RRP12: variants seen among roughly 807,000 people sequenced by gnomAD.
RRP12 encodes the protein ribosomal RNA processing 12 homolog.
A neutral mutation model predicts 157.3 loss-of-function variants in RRP12; 78 were observed. The observed-to-expected ratio is 0.50, with a 90% CI of 0.41 to 0.60. RRP12 has a LOEUF of 0.60. Ranked by LOEUF, RRP12 falls within the 20% of genes least tolerant of loss-of-function variation. The pLI is 0.00. For missense variants in RRP12, 1,521 were observed against 1,679.9 expected (o/e 0.91, Z 1.65); for synonymous variants, 726 against 670.9 (o/e 1.08, Z -1.27).
chr10:97,391,108 T>G (rs1297132660), intron 4 of RRP12, among the ~76,000 whole-genome samples: 1 of 152,086 alleles, frequency 6.6e-6, no homozygotes, highest in East Asian at 1.9e-4. Flanking sequence ...GCAGTTCACA[T>G]CTCCAGAAAG....
At chr10:97,375,824 C>A (rs1844289673) in intron 15 of RRP12, among the ~76,000 whole-genome samples, 1 of 152,118 alleles carries the variant, frequency 6.6e-6, no homozygotes. Flanking sequence ...AAAAATGCAG[C>A]CAGACATGGT....
chr10:97,365,852 G>A (rs547089751), intron 29 of RRP12: 17 of 458,800 alleles, frequency 3.7e-5, no homozygotes, highest in South Asian at 3.3e-4. Flanking sequence ...GACTAACAGC[G>A]TATCACACAC....
In RRP12 at chr10:97,379,334, G is replaced by A. The variant is rs757545276; in HGVS notation, c.1757C>T (p.Thr586Ile). 42 of 1,614,052 alleles carry A rather than the reference G, an allele frequency of 2.6e-5. No individual in the cohort carries two copies. In the South Asian group the frequency reaches 4.5e-4, roughly 17 times the overall value. ...HVQETRLGFF[T>I]TYFLPLANTL... ...GTTAGCCAGGGGCAAGAAGTAGGTGGTGAAAAAACCAAGTCGCGTTTCCTG... is the reference window on the plus strand; with the variant it reads ...GTTAGCCAGGGGCAAGAAGTAGGTGATGAAAAAACCAAGTCGCGTTTCCTG... The change falls in exon 15 of 34, where the codon ACC (threonine) becomes ATC (isoleucine). Residue 586 changes from threonine (T) to isoleucine (I), a missense_variant. By Grantham distance (89) the Thr-to-Ile change is moderately conservative. Coordinates refer to ENST00000370992, the MANE Select transcript of RRP12 (RefSeq NM_015179.4).
rs1564752190 is a variant in RRP12 at position 97,370,094 on chromosome 10, C to T, written c.2797+73G>A. On this transcript the variant is annotated intron_variant, in intron 24 of 33. Transcript: ENST00000370992. ...GGCACCTTTTCCCAGTTCCAGGAGC[C>T]ACTTTATCCTGACCTTTTGGGCATC... 2.8e-6 allele frequency: 3 copies of T among 1,053,470 alleles called. No homozygotes were observed. The East Asian group carries it at 7.8e-5, about 28-fold the overall frequency. The allele number at this position is 1,053,470 out of a possible 1,614,324, so 65.3% of individuals were successfully genotyped here. A position where few individuals can be genotyped will look rare whatever the true frequency, so the allele number is the denominator to read the frequency against.
intron 18 of RRP12, 26 bp from the exon 19 acceptor site, chr10:97,372,829 A>G (rs780850506): frequency 9.7e-6 from 15 of 1,552,538 alleles, no homozygotes; most frequent in Non-Finnish European, 1.3e-5. Context: ...GAATGAGGAG[A>G]AGAGAGTCAT....
At chr10:97,365,782 A>T in intron 29 of RRP12, 1 of 246,994 alleles carries the variant, frequency 4.0e-6, no homozygotes, top group Non-Finnish European at 7.8e-6. Flanking sequence ...AAAAAAAAAA[A>T]GAGGAAGGAA....
chr10:97,379,573 C>T, intron 14 of RRP12, 55 bp downstream of exon 14: 1 of 1,604,140 alleles, frequency 6.2e-7, no homozygotes, highest in Non-Finnish European at 8.5e-7. Context: ...ACATCCTTTC[C>T]AGGGGAGAGA....
Position 97,391,085 on chromosome 10 carries a change from T to A in RRP12, c.531-241A>T, listed in dbSNP as rs1844790852. On this transcript the variant is annotated intron_variant, in intron 4 of 33. Coordinates refer to ENST00000370992, the MANE Select transcript of RRP12 (RefSeq NM_015179.4). ...CTAAACTCAGGACACCAATCCTCTC[T>A]CCACCTCCCCTGGCAGTTCACATCT... 2.6e-5 allele frequency among the ~76,000 whole-genome samples: 4 copies of A among 152,072 alleles called. No individual in the cohort carries two copies. The South Asian group carries it at 8.3e-4, about 31-fold the overall frequency.
chr10:97,396,449 A>G (rs1469570094), intron 2 of RRP12, 148 bp from the exon 3 acceptor site: 2 of 639,528 alleles, frequency 3.1e-6, no homozygotes, highest in Admixed American at 2.5e-5. Flanking sequence ...GGTCCATACC[A>G]GGGGGCCCAG....
At chr10:97,381,008 T>A in intron 12 of RRP12, 95 bp from the exon 13 acceptor site, 1 of 980,072 alleles carries the variant, frequency 1.0e-6, no homozygotes. Flanking sequence ...CTACAGACGC[T>A]AGCTGGCCAG....
chr10:97,358,713 C>CT (rs926748289), intron 32 of RRP12, 94 bp from the exon 33 acceptor site: 1 of 1,022,942 alleles, frequency 9.8e-7, no homozygotes, highest in African/African-American at 1.6e-5. Flanking sequence ...TCCCTTCATC[C>CT]TCTGCCTTAG....
At position 97,388,553 on chromosome 10, in the gene RRP12, A is replaced by G; in HGVS notation, c.825T>C (p.Pro275=). Residue 275 remains proline (P), a synonymous_variant, in exon 7 of 34, where the codon CCT becomes CCC. Coordinates refer to ENST00000370992, the MANE Select transcript of RRP12 (RefSeq NM_015179.4). ...KGSEFMFEKA[P]AHHPAAISTA... Reference sequence around the variant, plus strand: ...TGGAAATGGCAGCAGGATGATGGGCAGGGGCCTTTTCAAACATGAATTCAC... The same window carrying G: ...TGGAAATGGCAGCAGGATGATGGGCGGGGGCCTTTTCAAACATGAATTCAC... 6.2e-7 allele frequency: 1 copy of G among 1,614,232 alleles called. No individual in the cohort carries two copies. The highest frequency in any genetic ancestry group is 1.3e-5 in the African/African-American group (1 of 75,072).
Position 97,394,771 on chromosome 10 carries a change from T to C in RRP12, c.454-1011A>G, listed in dbSNP as rs142453657. Among the ~76,000 whole-genome samples, 902 of 152,338 alleles carry C rather than the reference T, an allele frequency of 5.9e-3. 7 individuals carry two copies. Among genetic ancestry groups the C allele is most frequent in the Middle Eastern group, 0.014 (4 of 294 alleles). ...ACTTTTTCTACGAAGGACCAGATAGTAAATATTTTCGGCTTTGCATGCACA... is the reference window on the plus strand; with the variant it reads ...ACTTTTTCTACGAAGGACCAGATAGCAAATATTTTCGGCTTTGCATGCACA... On this transcript the variant is annotated intron_variant, in intron 3 of 33. Coordinates refer to ENST00000370992, the MANE Select transcript of RRP12 (RefSeq NM_015179.4).
chr10:97,383,294 G>A (rs1199415207), intron 10 of RRP12, among the ~76,000 whole-genome samples: 1 of 152,230 alleles, frequency 6.6e-6, no homozygotes, highest in Non-Finnish European at 1.5e-5. Flanking sequence ...GCGGTTTGAT[G>A]CAGGAAAAAG....
chr10:97,367,371 A>AGTCT (rs1844019526), intron 25 of RRP12: 1 of 577,328 alleles, frequency 1.7e-6, no homozygotes, highest in Non-Finnish European at 3.1e-6. Context: ...TGAGAGCTTT[A>AGTCT]GTCTTCTCAA....
chr10:97,360,660 T>C (rs1201035198), intron 30 of RRP12, 42 bp from the exon 31 acceptor site: 1 of 1,487,486 alleles, frequency 6.7e-7, no homozygotes, highest in South Asian at 1.1e-5. Flanking sequence ...AACCAGGGGA[T>C]GTGCCCACCC....
chr10:97,360,622 TAGAG>T lies in RRP12; in HGVS notation c.3568-8_3568-5del. On this transcript the variant is annotated splice_polypyrimidine_tract_variant and splice_region_variant and intron_variant, in intron 30 of 33. Coordinates refer to ENST00000370992, the MANE Select transcript of RRP12 (RefSeq NM_015179.4). ...GCTTGAGCTTCTGGTGCTTTTTCTATAGAGAGAGAATAGGTGGGTAGTGAGTGAA... is the reference window on the plus strand; with the variant it reads ...GCTTGAGCTTCTGGTGCTTTTTCTATAGAGAATAGGTGGGTAGTGAGTGAA... 6.2e-7 allele frequency: 1 copy of T among 1,612,986 alleles called. No homozygotes were observed. The highest frequency in any genetic ancestry group is 8.5e-7 in the Non-Finnish European group (1 of 1,179,036).
chr10:97,366,057 C>T lies in RRP12; in HGVS notation c.3517+51G>A, dbSNP rs777221014. ...CCACGCTTCCTCAGCAAGTGATCACCGAAGGAATAAGTGAACACGGTGAAT... is the reference window on the plus strand; with the variant it reads ...CCACGCTTCCTCAGCAAGTGATCACTGAAGGAATAAGTGAACACGGTGAAT... On this transcript the variant is annotated intron_variant, in intron 29 of 33. Transcript: ENST00000370992. 25 of 1,598,618 alleles carry T rather than the reference C, an allele frequency of 1.6e-5. No individual in the cohort carries two copies. In the African/African-American group the frequency reaches 1.9e-4, roughly 12 times the overall value.
At chr10:97,379,033 GT>G (rs1188271423) in intron 15 of RRP12, among the ~76,000 whole-genome samples, 1 of 152,260 alleles carries the variant, frequency 6.6e-6, no homozygotes, top group Non-Finnish European at 1.5e-5. Flanking sequence ...ACAAGGCCCA[GT>G]TGGGGCAGCT....
Sources: allele counts gnomAD v4.1 joint callset (sites outside exome capture counted in the v4.1 genomes callset), GRCh38; gene constraint gnomAD v4.1.1; transcripts MANE v1.5; gene names NCBI Gene and HGNC (gene_info 2026-07-23, HGNC 2026-07-21).